The following ESRRG variants were observed in gnomAD, a reference collection of about 807,000 sequenced individuals.
ESRRG encodes the protein estrogen related receptor gamma.
In ESRRG, 13 loss-of-function variants were observed where a neutral mutation model predicts 44.0. The observed-to-expected ratio is 0.30, with a 90% CI of 0.19 to 0.47. ESRRG has a LOEUF of 0.47. Ranked by LOEUF, ESRRG falls within the 20% of genes least tolerant of loss-of-function variation. The pLI is 1.00. For missense variants in ESRRG, 395 were observed against 580.6 expected, an observed-to-expected ratio of 0.68 and a Z score of 3.29; for synonymous variants, 215 against 214.6, an observed-to-expected ratio of 1.00 and a Z score of -0.02.
At chr1:216,589,145 C>A (rs2057216580) in intron 3 of ESRRG, among the ~76,000 whole-genome samples, 1 of 152,090 alleles carries the variant, frequency 6.6e-6, no homozygotes, top group Non-Finnish European at 1.5e-5. Flanking sequence ...TTGCACGGAC[C>A]TCAAAACTGA....
At chr1:216,728,836 T>C (rs1328537127) in intron 2 of ESRRG, among the ~76,000 whole-genome samples, 1 of 152,096 alleles carries the variant, frequency 6.6e-6, no homozygotes, top group Non-Finnish European at 1.5e-5. Flanking sequence ...GGTATCCATA[T>C]AAACAGGTTT....
chr1:216,946,520 T>C (rs888295067), intron 1 of ESRRG, among the ~76,000 whole-genome samples: 1 of 152,136 alleles, frequency 6.6e-6, no homozygotes, highest in Non-Finnish European at 1.5e-5. Flanking sequence ...ATCAAACTGA[T>C]CATTACATGG....
rs549168303 is a variant in ESRRG, at chr1:216,589,976, G to GA, written c.590-21879dup. Among the ~76,000 whole-genome samples the GA allele has an allele frequency of 1.0e-4, 14 of 138,172 alleles. No homozygotes were observed. The South Asian group carries it at 3.4e-3, about 34-fold the overall frequency. 90.6% of individuals were successfully genotyped at this position (138,172 alleles called of 152,430 possible). On this transcript the variant is annotated intron_variant, in intron 3 of 6. Coordinates refer to ENST00000408911, the MANE Select transcript of ESRRG (RefSeq NM_001438.4). ...CCCACAAAATAGAGAGAGTAAAATT[G>GA]AAAAAATATATATAACAGCAATTTA...
At chr1:216,656,744 T>C (rs866829087) in intron 2 of ESRRG, among the ~76,000 whole-genome samples, 8 of 152,216 alleles carry the variant, frequency 5.3e-5, no homozygotes, top group African/African-American at 1.9e-4. Flanking sequence ...TTTGGATTTA[T>C]GTAGTTCCTA....
At chr1:216,708,329 AAG>A (rs1422014978) in intron 1 of ESRRG, among the ~76,000 whole-genome samples, 1 of 152,182 alleles carries the variant, frequency 6.6e-6, no homozygotes, top group Non-Finnish European at 1.5e-5. Flanking sequence ...ATGCTACTGA[AAG>A]AGAATTATAA....
At chr1:216,574,941 A>G (rs2061436216) in intron 3 of ESRRG, among the ~76,000 whole-genome samples, 1 of 152,122 alleles carries the variant, frequency 6.6e-6, no homozygotes, top group African/African-American at 2.4e-5. Context: ...GGAAAGAGAA[A>G]TATCCAACAG....
chr1:216,663,671 C>T (rs759058917), intron 2 of ESRRG, among the ~76,000 whole-genome samples: 1 of 151,948 alleles, frequency 6.6e-6, no homozygotes, highest in Non-Finnish European at 1.5e-5. Context: ...AGAGCAACAA[C>T]AACAACAACA....
intron 1 of ESRRG, among the ~76,000 whole-genome samples, chr1:217,052,874 G>C (rs6657326): frequency 0.6 from 90,668 of 151,908 alleles, 27,365 homozygotes; most frequent in Admixed American, 0.64. Flanking sequence ...GACTAGTCAC[G>C]CTTGATCACT....
chr1:216,682,707 A>G (rs189097316), intron 1 of ESRRG, among the ~76,000 whole-genome samples: 939 of 78,970 alleles, frequency 0.012, 27 homozygotes, highest in Admixed American at 0.088. Context: ...TTAATACTCT[A>G]TAGTGTGTGT....
chr1:216,877,391 T>C (rs1001585870), intron 2 of ESRRG, among the ~76,000 whole-genome samples: 1 of 146,298 alleles, frequency 6.8e-6, no homozygotes, highest in Non-Finnish European at 1.5e-5. Context: ...TTTTTTTTGT[T>C]TGTTTGTTTG....
intron 2 of ESRRG, among the ~76,000 whole-genome samples, chr1:216,787,057 G>A (rs554584608): frequency 9.9e-5 from 15 of 151,992 alleles, no homozygotes; most frequent in East Asian, 3.9e-4. Flanking sequence ...TTCACTTTCC[G>A]TCTCTGTGTC....
At chr1:216,948,626 G>A (rs1227034353) in intron 1 of ESRRG, among the ~76,000 whole-genome samples, 1 of 151,724 alleles carries the variant, frequency 6.6e-6, no homozygotes, top group African/African-American at 2.4e-5. Flanking sequence ...CCATAAACTG[G>A]TATAAGGAAT....
chr1:216,586,049 A>T (rs1188277394), intron 3 of ESRRG, among the ~76,000 whole-genome samples: 1 of 59,142 alleles, frequency 1.7e-5, no homozygotes, highest in Non-Finnish European at 3.7e-5. Flanking sequence ...CAAAATAAAT[A>T]AATTAATTAA....
At chr1:216,510,670 G>A (rs1349854688) in intron 6 of ESRRG, among the ~76,000 whole-genome samples, 3 of 152,138 alleles carry the variant, frequency 2.0e-5, no homozygotes, top group Non-Finnish European at 2.9e-5. Context: ...CAGATCACGA[G>A]GTCAGGAGAT....
chr1:216,685,591 C>G (rs2077788468), intron 1 of ESRRG, among the ~76,000 whole-genome samples: 1 of 152,164 alleles, frequency 6.6e-6, no homozygotes, highest in Non-Finnish European at 1.5e-5. Flanking sequence ...CATAGAAAGT[C>G]TATGCACTGA....
chr1:216,771,456 A>G (rs539111148), intron 2 of ESRRG, among the ~76,000 whole-genome samples: 1 of 152,262 alleles, frequency 6.6e-6, no homozygotes, highest in South Asian at 2.1e-4. Context: ...CCTCGCCCTA[A>G]GGGAATTTAT....
intron 6 of ESRRG, among the ~76,000 whole-genome samples, chr1:216,518,692 GA>G (rs2045144341): frequency 6.6e-6 from 1 of 152,170 alleles, no homozygotes; most frequent in Non-Finnish European, 1.5e-5. Context: ...AAGAACTCCA[GA>G]ATGTAAGAAA....
chr1:216,521,105 T>C (rs984108784), intron 5 of ESRRG, among the ~76,000 whole-genome samples: 3 of 152,202 alleles, frequency 2.0e-5, no homozygotes, highest in Non-Finnish European at 2.9e-5. Flanking sequence ...ATCATGGTGC[T>C]TACATGTTAT....
intron 2 of ESRRG, among the ~76,000 whole-genome samples, chr1:216,846,679 A>AT (rs1577190649): frequency 1.3e-5 from 2 of 152,090 alleles, no homozygotes; most frequent in Admixed American, 6.6e-5. Context: ...AGATACTGAA[A>AT]TATCTATTAT....
Sources: allele counts gnomAD v4.1 joint callset (sites outside exome capture counted in the v4.1 genomes callset), GRCh38; gene constraint gnomAD v4.1.1; transcripts MANE v1.5; gene names NCBI Gene and HGNC (gene_info 2026-07-23, HGNC 2026-07-21).